TRAPPC8: variants seen among roughly 807,000 people sequenced by gnomAD.
The protein encoded by TRAPPC8 is general sporulation gene 1 homolog.
TRAPPC8 carries 54 observed loss-of-function variants against 174.3 expected under a neutral mutation model. The observed-to-expected ratio is 0.31, with a 90% CI of 0.25 to 0.39. The LOEUF is 0.39. Ranked by LOEUF, TRAPPC8 falls within the 10% of genes least tolerant of loss-of-function variation. The probability of loss-of-function intolerance (pLI) is 1.00; values close to 1 mark genes in which losing one functional copy is unlikely to be tolerated. For synonymous variants in TRAPPC8, 630 were observed against 579.9 expected (o/e 1.09, Z -1.24); for missense variants, 1,531 against 1,699.1 (o/e 0.90, Z 1.74).
chr18:31,933,019 A>T (rs1472905358), intron 1 of TRAPPC8, among the ~76,000 whole-genome samples: 1 of 133,986 alleles, frequency 7.5e-6, no homozygotes, highest in Admixed American at 7.6e-5. Context: ...AAAAAAAAAA[A>T]AGCCGGGCGC....
chr18:31,874,596 TA>T lies in TRAPPC8; in HGVS notation c.1836del (p.Tyr612Ter). ...ACAGCATTATCCAGCTGTCTAAGAG[TA>T]TAGGACTGGCGCCCAATAGTGAAAT... ...HINFTIGRQS[Y>X]TLRQLDNAVS... On this transcript the variant is annotated frameshift_variant, in exon 13 of 29. Coordinates refer to ENST00000283351, the MANE Select transcript of TRAPPC8 (RefSeq NM_014939.5). LOFTEE classifies it high-confidence loss of function. 6.2e-7 allele frequency: 1 copy of T among 1,614,086 alleles called. No individual in the cohort carries two copies. The highest frequency in any genetic ancestry group is 8.5e-7 in the Non-Finnish European group (1 of 1,179,996).
At chr18:31,880,344 C>G (rs1055319883) in intron 12 of TRAPPC8, among the ~76,000 whole-genome samples, 13 of 151,366 alleles carry the variant, frequency 8.6e-5, no homozygotes. Context: ...AAGGATGGTT[C>G]AATATTTGCA....
intron 27 of TRAPPC8, among the ~76,000 whole-genome samples, chr18:31,834,680 T>C (rs1310467594): frequency 6.6e-6 from 1 of 152,202 alleles, no homozygotes; most frequent in Non-Finnish European, 1.5e-5. Context: ...TAGCACATGT[T>C]CAAAAGCTCC....
At chr18:31,917,116 T>G (rs1251579521) in intron 3 of TRAPPC8, among the ~76,000 whole-genome samples, 2 of 140,124 alleles carry the variant, frequency 1.4e-5, no homozygotes, top group Non-Finnish European at 3.3e-5. Flanking sequence ...ACCTCTTAAC[T>G]TTCGTCAGTA....
At chr18:31,840,369 GAGAC>G (rs769382688) in intron 26 of TRAPPC8, among the ~76,000 whole-genome samples, 1 of 139,834 alleles carries the variant, frequency 7.2e-6, no homozygotes, top group African/African-American at 2.6e-5. Context: ...AATAAATAGA[GAGAC>G]AGAGGGAGGG....
At chr18:31,879,748 G>A (rs143016214) in intron 12 of TRAPPC8, among the ~76,000 whole-genome samples, 1,558 of 151,926 alleles carry the variant, frequency 0.01, 27 homozygotes, top group African/African-American at 0.035. Context: ...AAGAAGAGAT[G>A]ATTTTAATAA....
chr18:31,842,019 TACCACC>T (rs1215602295), intron 26 of TRAPPC8, among the ~76,000 whole-genome samples: 1 of 152,198 alleles, frequency 6.6e-6, no homozygotes, highest in Non-Finnish European at 1.5e-5. Context: ...TAAAGGCATG[TACCACC>T]ACACTCAGCT....
At chr18:31,933,115 C>G (rs1280353042) in intron 1 of TRAPPC8, among the ~76,000 whole-genome samples, 5 of 150,648 alleles carry the variant, frequency 3.3e-5, no homozygotes, top group Non-Finnish European at 4.4e-5. Flanking sequence ...TCCTGGCTAA[C>G]ACGGTGAAAC....
chr18:31,884,765 G>A (rs964916923), intron 12 of TRAPPC8, among the ~76,000 whole-genome samples: 4 of 152,044 alleles, frequency 2.6e-5, no homozygotes, highest in African/African-American at 9.7e-5. Flanking sequence ...CCAGCACTTT[G>A]GGGGGCCAAG....
At chr18:31,925,880 T>C (rs2037593703) in intron 2 of TRAPPC8, among the ~76,000 whole-genome samples, 2 of 152,234 alleles carry the variant, frequency 1.3e-5, no homozygotes, top group East Asian at 1.9e-4. Context: ...CAATCAAGTA[T>C]ATAAAATAAG....
At chr18:31,915,314 A>G (rs1480238001) in intron 4 of TRAPPC8, among the ~76,000 whole-genome samples, 1 of 151,916 alleles carries the variant, frequency 6.6e-6, no homozygotes, top group Non-Finnish European at 1.5e-5. Flanking sequence ...TACAAAAATT[A>G]GCCGGGCGTA....
intron 27 of TRAPPC8, chr18:31,833,448 T>C (rs1226080769): frequency 6.6e-6 from 1 of 152,206 alleles, no homozygotes; most frequent in Admixed American, 6.5e-5. Flanking sequence ...CCAATGTTCT[T>C]CACAAATTCC....
At chr18:31,931,835 T>TC (rs1418561182) in intron 1 of TRAPPC8, among the ~76,000 whole-genome samples, 7 of 152,228 alleles carry the variant, frequency 4.6e-5, no homozygotes, top group Non-Finnish European at 7.3e-5. Context: ...TCCCTTATTC[T>TC]CACCTCACAC....
intron 1 of TRAPPC8, among the ~76,000 whole-genome samples, chr18:31,936,284 C>T (rs1174135743): frequency 6.6e-6 from 1 of 151,432 alleles, no homozygotes; most frequent in Non-Finnish European, 1.5e-5. Flanking sequence ...CACAGCAAAA[C>T]CCCATCTCTA....
At chr18:31,841,686 C>T (rs2033108960) in intron 26 of TRAPPC8, among the ~76,000 whole-genome samples, 1 of 152,044 alleles carries the variant, frequency 6.6e-6, no homozygotes, top group South Asian at 2.1e-4. Context: ...CCTGCTGTTG[C>T]CTAAACAGAG....
chr18:31,864,820 T>C, intron 18 of TRAPPC8, 39 bp from the exon 19 acceptor site: 1 of 1,556,236 alleles, frequency 6.4e-7, no homozygotes, highest in South Asian at 1.2e-5. Flanking sequence ...AATAATTTGG[T>C]ATGTTAACTG....
At chr18:31,831,932 CTG>C (rs1283762510) in intron 28 of TRAPPC8, 150 bp downstream of exon 28, 2 of 448,480 alleles carry the variant, frequency 4.5e-6, no homozygotes, top group Non-Finnish European at 7.7e-6. Context: ...TTTAAAGCCT[CTG>C]TAACACATCT....
chr18:31,906,127 G>C (rs1421783855), intron 9 of TRAPPC8, among the ~76,000 whole-genome samples: 1 of 150,022 alleles, frequency 6.7e-6, no homozygotes, highest in African/African-American at 2.5e-5. Flanking sequence ...TCAGGAATTC[G>C]AGACCAGCCT....
chr18:31,849,179 G>C (rs912762849), intron 25 of TRAPPC8, among the ~76,000 whole-genome samples: 1 of 151,996 alleles, frequency 6.6e-6, no homozygotes, highest in Non-Finnish European at 1.5e-5. Flanking sequence ...AGAAGAGAAG[G>C]TAAATGGATT....
Sources: allele counts gnomAD v4.1 joint callset (sites outside exome capture counted in the v4.1 genomes callset), GRCh38; gene constraint gnomAD v4.1.1; transcripts MANE v1.5; gene names NCBI Gene and HGNC (gene_info 2026-07-23, HGNC 2026-07-21).